The following ANKFN1 variants were observed in gnomAD, a reference collection of about 807,000 sequenced individuals.
The protein encoded by ANKFN1 is ankyrin repeat and fibronectin type-III domain-containing protein 1.
In ANKFN1, 74 loss-of-function variants were observed where a neutral mutation model predicts 108.7. The ratio of observed to expected loss-of-function variants is 0.68; its 90% CI spans 0.56 to 0.83. ANKFN1 has a LOEUF of 0.83. Among genes scored for constraint, ANKFN1 ranks in the 40% least tolerant of loss-of-function variants. ANKFN1 has a pLI of 0.00. For synonymous variants in ANKFN1, 547 were observed against 516.2 expected (o/e 1.06, Z -0.81); for missense variants, 1,505 against 1,382.3 (o/e 1.09, Z -1.41).
chr17:56,108,221 A>T (rs190499134), intron 4 of ANKFN1, among the ~76,000 whole-genome samples: 1 of 152,122 alleles, frequency 6.6e-6, no homozygotes, highest in Admixed American at 6.5e-5. Context: ...TTTTTAGTAG[A>T]GACGGGGTTT....
At chr17:56,444,794 G>A (rs542031303) in intron 10 of ANKFN1, among the ~76,000 whole-genome samples, 14 of 152,238 alleles carry the variant, frequency 9.2e-5, no homozygotes, top group Admixed American at 6.5e-4. Flanking sequence ...TTGCCTTTCC[G>A]AAAGTCACAA....
At chr17:56,359,398 C>T (rs528439182) in intron 6 of ANKFN1, among the ~76,000 whole-genome samples, 1 of 152,256 alleles carries the variant, frequency 6.6e-6, no homozygotes, top group South Asian at 2.1e-4. Context: ...TATTTTTACA[C>T]TATTTAATTA....
chr17:56,420,284 C>A (rs901074082), intron 8 of ANKFN1, among the ~76,000 whole-genome samples: 1 of 152,172 alleles, frequency 6.6e-6, no homozygotes, highest in Non-Finnish European at 1.5e-5. Context: ...TAAAATTACA[C>A]CTCTATTATC....
intron 3 of ANKFN1, among the ~76,000 whole-genome samples, chr17:56,296,277 A>T (rs1038753592): frequency 6.6e-6 from 1 of 152,092 alleles, no homozygotes; most frequent in African/African-American, 2.4e-5. Context: ...TTAAGAATCT[A>T]CTCTACCATT....
chr17:56,494,357 G>C (rs777591286), intron 19 of ANKFN1, among the ~76,000 whole-genome samples: 1 of 152,102 alleles, frequency 6.6e-6, no homozygotes, highest in Non-Finnish European at 1.5e-5. Flanking sequence ...TGGTGGGGAA[G>C]GGGTGGGAAA....
intron 4 of ANKFN1, among the ~76,000 whole-genome samples, chr17:56,334,580 G>C (rs2045754010): frequency 6.6e-6 from 1 of 151,888 alleles, no homozygotes; most frequent in South Asian, 2.1e-4. Context: ...ATACGTATTT[G>C]CTCATTTAAA....
At chr17:56,200,712 A>AATCAG (rs1299210244) in intron 1 of ANKFN1, among the ~76,000 whole-genome samples, 2 of 152,200 alleles carry the variant, frequency 1.3e-5, no homozygotes, top group African/African-American at 4.8e-5. Flanking sequence ...GTAGTATAAT[A>AATCAG]ATCAGGTACA....
At position 56,480,745 on chromosome 17, in the gene ANKFN1, T is replaced by A; in HGVS notation, c.2018T>A (p.Met673Lys). Residue 673 changes from methionine (M) to lysine (K), a missense_variant, in exon 17 of 21, where the codon ATG becomes AAG. Physicochemically the swap from Met to Lys is moderately conservative, Grantham distance 95. Coordinates refer to ENST00000682825, the MANE Select transcript of ANKFN1 (RefSeq NM_001370326.1). Reference protein sequence around the residue: ...ESVDHTSDCPMQLFFYELQMA... With the variant: ...ESVDHTSDCPKQLFFYELQMA... Reference sequence around the variant, plus strand: ...GTGGATCATACTTCTGACTGCCCCATGCAATTGTTCTTCTACGAGCTCCAG... The same window carrying A: ...GTGGATCATACTTCTGACTGCCCCAAGCAATTGTTCTTCTACGAGCTCCAG... 1 of 1,614,102 alleles carries A rather than the reference T, an allele frequency of 6.2e-7. No homozygotes were observed. Among genetic ancestry groups the A allele is most frequent in the Non-Finnish European group, 8.5e-7 (1 of 1,179,964 alleles).
intron 3 of ANKFN1, among the ~76,000 whole-genome samples, chr17:56,236,617 G>A (rs528437875): frequency 3.3e-5 from 5 of 152,136 alleles, no homozygotes; most frequent in East Asian, 3.9e-4. Flanking sequence ...TTCTAGATAC[G>A]GAATCAGGTG....
At chr17:56,268,182 T>A (rs1476758805) in intron 3 of ANKFN1, among the ~76,000 whole-genome samples, 1 of 152,132 alleles carries the variant, frequency 6.6e-6, no homozygotes, top group Non-Finnish European at 1.5e-5. Context: ...CGCTTGGCCA[T>A]AAAGCAATTC....
Position 56,288,667 on chromosome 17 carries a change from T to C in ANKFN1, c.54-37554T>C, listed in dbSNP as rs554453737. Among the ~76,000 whole-genome samples, 3 of 152,138 alleles carry C rather than the reference T, an allele frequency of 2.0e-5. No homozygotes were observed. The East Asian group carries it at 5.8e-4, about 29-fold the overall frequency. ...AAGAGTCCACATAGACCAATAACCA[T>C]GGAAAAATGCTAGGAAATAACAAAT... On this transcript the variant is annotated intron_variant, in intron 3 of 20. Transcript: ENST00000682825.
intron 8 of ANKFN1, among the ~76,000 whole-genome samples, chr17:56,422,066 A>G (rs1367242507): frequency 1.3e-5 from 2 of 152,210 alleles, no homozygotes; most frequent in Non-Finnish European, 2.9e-5. Context: ...AGATATTTCC[A>G]AAGTCTTCTG....
chr17:56,228,055 T>G, intron 3 of ANKFN1, 98 bp downstream of exon 3: 2 of 1,032,704 alleles, frequency 1.9e-6, no homozygotes, highest in Non-Finnish European at 1.4e-6. Flanking sequence ...GCTGCATTTT[T>G]AAAGTCTAGC....
At chr17:56,425,768 T>G (rs2048544156) in intron 8 of ANKFN1, among the ~76,000 whole-genome samples, 1 of 152,220 alleles carries the variant, frequency 6.6e-6, no homozygotes. Flanking sequence ...CCAGACTGTT[T>G]AGGGTGACCC....
rs569107523 is a variant in ANKFN1, at chr17:56,301,353, C to T, written c.54-24868C>T. On this transcript the variant is annotated intron_variant, in intron 3 of 20. Coordinates refer to ENST00000682825, the MANE Select transcript of ANKFN1 (RefSeq NM_001370326.1). Reference sequence around the variant, plus strand: ...CTGAATCTTTCTGGACACTAAGGGTCACAGAGTCTTACATTGTGTGACATG... The same window carrying T: ...CTGAATCTTTCTGGACACTAAGGGTTACAGAGTCTTACATTGTGTGACATG... Among the ~76,000 whole-genome samples, 24 of 152,330 alleles carry T rather than the reference C, an allele frequency of 1.6e-4. No individual in the cohort carries two copies. In the South Asian group the frequency reaches 3.9e-3, roughly 25 times the overall value.
At chr17:56,388,188 G>A (rs2047330060) in intron 8 of ANKFN1, among the ~76,000 whole-genome samples, 1 of 151,390 alleles carries the variant, frequency 6.6e-6, no homozygotes, top group Non-Finnish European at 1.5e-5. Flanking sequence ...ACCCAGGCTG[G>A]AGTTCGGTGG....
At chr17:56,316,634 C>T (rs1315401930) in intron 3 of ANKFN1, among the ~76,000 whole-genome samples, 1 of 151,966 alleles carries the variant, frequency 6.6e-6, no homozygotes, top group East Asian at 1.9e-4. Flanking sequence ...CAGAAGTATT[C>T]CTAGAAGAAT....
At chr17:56,248,669 C>T (rs1296532132) in intron 3 of ANKFN1, among the ~76,000 whole-genome samples, 2 of 152,154 alleles carry the variant, frequency 1.3e-5, no homozygotes, top group East Asian at 3.9e-4. Flanking sequence ...CTATCCTCTG[C>T]CCAGGAATGA....
intron 8 of ANKFN1, among the ~76,000 whole-genome samples, chr17:56,403,991 C>A (rs1412370357): frequency 6.6e-6 from 1 of 152,118 alleles, no homozygotes; most frequent in Admixed American, 6.5e-5. Flanking sequence ...GAAGATAGGG[C>A]CCCTATTCCT....
Sources: allele counts gnomAD v4.1 joint callset (sites outside exome capture counted in the v4.1 genomes callset), GRCh38; gene constraint gnomAD v4.1.1; transcripts MANE v1.5; gene names NCBI Gene and HGNC (gene_info 2026-07-23, HGNC 2026-07-21).